Variants in RYR3 observed in about 807,000 individuals in gnomAD.
The protein encoded by RYR3 is ryanodine receptor 3.
RYR3 carries 207 observed loss-of-function variants against 584.3 expected under a neutral mutation model. The observed-to-expected ratio is 0.35, with a 90% CI of 0.32 to 0.40. RYR3 has a LOEUF of 0.40. Among genes scored for constraint, RYR3 ranks in the 10% least tolerant of loss-of-function variants. RYR3 has a pLI of 1.00. For synonymous variants in RYR3, 2,416 were observed against 2,248.5 expected (o/e 1.07, Z -2.11); for missense variants, 5,616 against 6,089.2 (o/e 0.92, Z 2.59).
chr15:33,737,602 T>A (rs552639503), intron 49 of RYR3, among the ~76,000 whole-genome samples: 7 of 152,326 alleles, frequency 4.6e-5, no homozygotes, highest in African/African-American at 1.4e-4. Context: ...AGTTTGTATG[T>A]TCTTAGAGAT....
At chr15:33,398,857 T>C (rs1438336863) in intron 1 of RYR3, among the ~76,000 whole-genome samples, 1 of 152,208 alleles carries the variant, frequency 6.6e-6, no homozygotes, top group East Asian at 1.9e-4. Context: ...GAGCTGAGCA[T>C]GTCTCTGACA....
At chr15:33,757,653 C>T (rs1447067425) in intron 60 of RYR3, 57 bp downstream of exon 60, 32 of 1,564,200 alleles carry the variant, frequency 2.0e-5, no homozygotes, top group Non-Finnish European at 2.8e-5. Context: ...CTTAAAATGC[C>T]AGGTCCCTGT....
intron 1 of RYR3, among the ~76,000 whole-genome samples, chr15:33,314,968 C>T (rs1026895753): frequency 2.0e-5 from 3 of 151,658 alleles, no homozygotes; most frequent in African/African-American, 4.9e-5. Flanking sequence ...CAACAAAAAA[C>T]GGAACTCAGA....
At chr15:33,371,688 G>A (rs1196703641) in intron 1 of RYR3, among the ~76,000 whole-genome samples, 2 of 152,150 alleles carry the variant, frequency 1.3e-5, no homozygotes, top group Admixed American at 1.3e-4. Flanking sequence ...GACACCTAGC[G>A]GGAGGATCAT....
At chr15:33,744,459 T>A (rs911763249) in intron 52 of RYR3, among the ~76,000 whole-genome samples, 5 of 152,152 alleles carry the variant, frequency 3.3e-5, no homozygotes, top group African/African-American at 1.2e-4. Context: ...AAAAGAGTAT[T>A]TTCCTTGCCC....
chr15:33,503,681 A>G lies in RYR3; in HGVS notation c.222A>G (p.Leu74=), dbSNP rs781479912. 8.7e-6 allele frequency: 14 copies of G among 1,613,250 alleles called. No individual in the cohort carries two copies. In the African/African-American group the frequency reaches 1.7e-4, roughly 20 times the overall value. The stretch of plus-strand genomic sequence containing the variant: ...GCAATTTTGTGCTGGAACAGTCCCT[A>G]TCTGTCAGAGCCCTGCAGGAAATGC... The part of the protein sequence containing the change: ...CVCNFVLEQS[L]SVRALQEMLA... Residue 74 remains leucine, a synonymous_variant, in exon 3 of 104, where the codon CTA becomes CTG. Coordinates refer to ENST00000634891, the MANE Select transcript of RYR3 (RefSeq NM_001036.6).
At chr15:33,830,632 T>C (rs1567266671) in intron 85 of RYR3, among the ~76,000 whole-genome samples, 1 of 152,246 alleles carries the variant, frequency 6.6e-6, no homozygotes. Context: ...CTTACAATAT[T>C]AGCTATTATG....
chr15:33,485,339 G>T (rs1315308509), intron 2 of RYR3, among the ~76,000 whole-genome samples: 1 of 152,194 alleles, frequency 6.6e-6, no homozygotes, highest in Non-Finnish European at 1.5e-5. Flanking sequence ...GAAAGAGAAT[G>T]ATGGCAGGAT....
intron 52 of RYR3, among the ~76,000 whole-genome samples, chr15:33,743,527 G>A (rs746883016): frequency 2.6e-5 from 4 of 152,148 alleles, no homozygotes; most frequent in Non-Finnish European, 5.9e-5. Context: ...GGCTTAGGGG[G>A]CATAGCCAGG....
chr15:33,423,404 G>C (rs1445010273), intron 1 of RYR3, among the ~76,000 whole-genome samples: 4 of 152,058 alleles, frequency 2.6e-5, no homozygotes, highest in Non-Finnish European at 4.4e-5. Flanking sequence ...CCATTTATCT[G>C]TTGACAGACA....
chr15:33,601,776 G>A (rs1488105190), intron 17 of RYR3, among the ~76,000 whole-genome samples: 1 of 152,230 alleles, frequency 6.6e-6, no homozygotes, highest in Non-Finnish European at 1.5e-5. Context: ...GCTGAGGATA[G>A]AGTATGTGTA....
chr15:33,859,880 T>C (rs568176829), intron 100 of RYR3, 149 bp downstream of exon 100: 8 of 890,064 alleles, frequency 9.0e-6, no homozygotes. Flanking sequence ...CTACTATACC[T>C]GAGGCTTTGG....
Position 33,536,812 on chromosome 15 carries a change from C to A in RYR3, c.434-2538C>A, listed in dbSNP as rs373650320. 4.6e-5 allele frequency among the ~76,000 whole-genome samples: 7 copies of A among 152,338 alleles called. No homozygotes were observed. In the South Asian group the frequency reaches 1.4e-3, roughly 32 times the overall value. Reference sequence around the variant, plus strand: ...TCTCCTGCCCTCCCTCCTTTGGATGCTTGCCTCTCTGGGGCATCTACTTTC... The same window carrying A: ...TCTCCTGCCCTCCCTCCTTTGGATGATTGCCTCTCTGGGGCATCTACTTTC... On this transcript the variant is annotated intron_variant, in intron 5 of 103. Coordinates refer to ENST00000634891, the MANE Select transcript of RYR3 (RefSeq NM_001036.6).
rs1023527499 is a variant in RYR3 at position 33,428,134 on chromosome 15, C to T, written c.52-45285C>T. Among the ~76,000 whole-genome samples the T allele has an allele frequency of 3.9e-5, 6 of 152,186 alleles. No individual in the cohort carries two copies. The South Asian group carries it at 8.3e-4, about 21-fold the overall frequency. ...TTTGGTTTGTGGTAGTAGAAGGCCA[C>T]CCCAATAGTGAATGATCTAGGATTT... On this transcript the variant is annotated intron_variant, in intron 1 of 103. Transcript: ENST00000634891.
intron 3 of RYR3, among the ~76,000 whole-genome samples, chr15:33,526,049 T>A (rs565394136): frequency 6.6e-6 from 1 of 152,292 alleles, no homozygotes; most frequent in East Asian, 1.9e-4. Context: ...TCTTATTGCC[T>A]GGGACTCCCA....
intron 64 of RYR3, among the ~76,000 whole-genome samples, chr15:33,776,988 AG>A (rs1387046817): frequency 2.6e-5 from 4 of 152,240 alleles, no homozygotes; most frequent in Non-Finnish European, 5.9e-5. Flanking sequence ...AACCGAGACC[AG>A]ACGAGCCTGG....
In RYR3 at chr15:33,785,652, T is replaced by A; in HGVS notation, c.9269-10T>A. 6.4e-7 allele frequency: 1 copy of A among 1,551,672 alleles called. No homozygotes were observed. The highest frequency in any genetic ancestry group is 1.2e-5 in the South Asian group (1 of 81,214). On this transcript the variant is annotated splice_polypyrimidine_tract_variant and intron_variant, in intron 65 of 103. Coordinates refer to ENST00000634891, the MANE Select transcript of RYR3 (RefSeq NM_001036.6). ...TGAATTTCTGTCCCTTTATTCTTCC[T>A]CTCAATCAGTTCTGGGGATGCCAGA...
chr15:33,644,254 G>A (rs559372415), intron 27 of RYR3, 57 bp from the exon 28 acceptor site: 20 of 1,413,768 alleles, frequency 1.4e-5, no homozygotes, highest in African/African-American at 5.7e-5. Flanking sequence ...CAGCTGCCTC[G>A]GAGTTTCCTG....
intron 27 of RYR3, among the ~76,000 whole-genome samples, chr15:33,636,775 A>G (rs1465091742): frequency 6.6e-6 from 1 of 152,222 alleles, no homozygotes; most frequent in Non-Finnish European, 1.5e-5. Flanking sequence ...GAACTCTCAG[A>G]TAGGTTAACC....
Sources: gnomAD v4.1 joint callset for allele counts (sites outside exome capture counted in the v4.1 genomes callset) on GRCh38, gnomAD v4.1.1 for gene constraint, MANE v1.5 for transcripts, NCBI Gene and HGNC (gene_info 2026-07-23, HGNC 2026-07-21) for gene names.